The following MCFD2 variants were observed in gnomAD, a reference collection of about 807,000 sequenced individuals.
The protein encoded by MCFD2 is multiple coagulation factor deficiency protein 2.
A neutral mutation model predicts 12.8 loss-of-function variants in MCFD2; 11 were observed. The ratio of observed to expected loss-of-function variants is 0.86; its 90% CI spans 0.54 to 1.42. The LOEUF (loss-of-function observed/expected upper bound fraction) is 1.42. Among genes scored for constraint, MCFD2 ranks in the 40% most tolerant of loss-of-function variants. MCFD2 has a pLI of 0.00. For missense variants in MCFD2, 191 were observed against 178.6 expected, an observed-to-expected ratio of 1.07 and a Z score of -0.40; for synonymous variants, 70 against 68.1, an observed-to-expected ratio of 1.03 and a Z score of -0.14.
intron 1 of MCFD2, chr2:46,914,016 C>T (rs1438719404): frequency 6.6e-6 from 1 of 152,560 alleles, no homozygotes; most frequent in Non-Finnish European, 1.5e-5. Flanking sequence ...CCATTTTTCT[C>T]TTTTCCTCCC....
Position 46,940,925 on chromosome 2 carries a change from T to C in MCFD2, c.-8+647A>G, listed in dbSNP as rs1670277092. Among the ~76,000 whole-genome samples the C allele has an allele frequency of 6.6e-6, 1 of 151,924 alleles. No homozygotes were observed. The highest frequency in any genetic ancestry group is 1.5e-5 in the Non-Finnish European group (1 of 67,950). On this transcript the variant is annotated intron_variant, in intron 1 of 2. Coordinates refer to the MCFD2 transcript ENST00000409147. This position sits in a 1 kb window ranked among gnomAD's most constrained non-coding sequence, Gnocchi z 4.7. Reference sequence around the variant, plus strand: ...GGGGCCACCACACAAAGCCAGGTCGTCGGGCAGTGGTCTCCCAGGCTAAGA... The same window carrying C: ...GGGGCCACCACACAAAGCCAGGTCGCCGGGCAGTGGTCTCCCAGGCTAAGA...
At chr2:46,911,664 G>A (rs1273959598) in intron 1 of MCFD2, among the ~76,000 whole-genome samples, 1 of 151,756 alleles carries the variant, frequency 6.6e-6, no homozygotes, top group Non-Finnish European at 1.5e-5. Context: ...GCTCGTGCCT[G>A]TAATCCCAGC....
chr2:46,931,581 G>A (rs989299106), intron 1 of MCFD2, among the ~76,000 whole-genome samples: 3 of 152,138 alleles, frequency 2.0e-5, no homozygotes, highest in Non-Finnish European at 2.9e-5. Flanking sequence ...CTTTGAAGAT[G>A]TAGAAAGGGG....
rs1165444891 is a variant in MCFD2, at chr2:46,908,833, C to T, written c.149+190G>A. ...CCCATTTGGGCCTAAAGATCTTCCA[C>T]CTGTGATACAATGATGAAAAAAGAA... On this transcript the variant is annotated intron_variant, in intron 2 of 3. Transcript: ENST00000319466. The surrounding 1 kb of genome is among the most constrained non-coding windows in gnomAD (Gnocchi z 4.5). 3 of 743,628 alleles carry T rather than the reference C, an allele frequency of 4.0e-6. No individual in the cohort carries two copies. The Admixed American group carries it at 7.2e-5, about 18-fold the overall frequency. The allele number at this position is 743,628 out of a possible 1,614,324, so 46.1% of individuals were successfully genotyped here.
chr2:46,932,896 A>G (rs994607183), intron 1 of MCFD2, among the ~76,000 whole-genome samples: 38 of 145,422 alleles, frequency 2.6e-4, no homozygotes, highest in Non-Finnish European at 4.7e-4. Context: ...GTGAGACTCC[A>G]TCTCAAAAAA....
chr2:46,905,387 T>C lies in MCFD2; in HGVS notation c.*76A>G, dbSNP rs1416769665. The C allele has an allele frequency of 7.8e-6, 12 of 1,539,542 alleles. No individual in the cohort carries two copies. Among genetic ancestry groups the C allele is most frequent in the Non-Finnish European group, 1.1e-5 (12 of 1,114,840 alleles). On this transcript the variant is annotated 3_prime_UTR_variant, in exon 4 of 4. Coordinates refer to ENST00000319466, the MANE Select transcript of MCFD2 (RefSeq NM_139279.6). ...TGCAGCAGTAGTTGGAAATGAGTTA[T>C]TTTGCATTACTAAAGTGTTCAATCA...
At chr2:46,905,625 T>A in intron 3 of MCFD2, 31 bp from the exon 4 acceptor site, 1 of 1,610,280 alleles carries the variant, frequency 6.2e-7, no homozygotes. Flanking sequence ...AATGATGAGT[T>A]GCGCATTTTA....
upstream of MCFD2, chr2:46,917,093 T>G: frequency 1.5e-6 from 1 of 685,968 alleles, no homozygotes; most frequent in Non-Finnish European, 2.6e-6. Flanking sequence ...ACGGTCTCAT[T>G]CCTTTTCCCA....
At chr2:46,911,758 A>G (rs1468803763) in intron 1 of MCFD2, among the ~76,000 whole-genome samples, 1 of 151,824 alleles carries the variant, frequency 6.6e-6, no homozygotes, top group East Asian at 2.0e-4. Context: ...CGTTTCTACT[A>G]AAAATACAAA....
chr2:46,917,870 G>A (rs1373270950), upstream of MCFD2, among the ~76,000 whole-genome samples: 1 of 152,102 alleles, frequency 6.6e-6, no homozygotes, highest in East Asian at 1.9e-4. Flanking sequence ...CACACTCTGG[G>A]TCCTTCTGCT....
chr2:46,903,829 T>C lies in MCFD2; in HGVS notation c.*1634A>G, dbSNP rs1401968953. 1.3e-5 allele frequency: 2 copies of C among 152,142 alleles called. No homozygotes were observed. The highest frequency in any genetic ancestry group is 2.9e-5 in the Non-Finnish European group (2 of 67,998). The allele number at this position is 152,142 out of a possible 1,614,324, so 9.4% of individuals were successfully genotyped here. A position where few individuals can be genotyped will look rare whatever the true frequency, so the allele number is the denominator to read the frequency against. ...AGTTTGGAAATTTGCAGCCTGACTA[T>C]GCAATAGAAAAGAAAAACCCATTTT... On this transcript the variant is annotated 3_prime_UTR_variant, in exon 4 of 4. Coordinates refer to ENST00000319466, the MANE Select transcript of MCFD2 (RefSeq NM_139279.6).
At chr2:46,917,830 A>G (rs943447804), upstream of MCFD2, among the ~76,000 whole-genome samples, 32 of 152,132 alleles carry the variant, frequency 2.1e-4, no homozygotes, top group African/African-American at 7.0e-4. Context: ...CTCACTTAGA[A>G]ACACTTTCTT....
chr2:46,929,686 T>C (rs756776777), intron 1 of MCFD2, among the ~76,000 whole-genome samples: 5 of 152,036 alleles, frequency 3.3e-5, no homozygotes, highest in Non-Finnish European at 5.9e-5. Context: ...ATAAGAAAGA[T>C]TGAAAATTAA....
chr2:46,921,493 G>A (rs1177030063), intron 1 of MCFD2, among the ~76,000 whole-genome samples: 2 of 152,202 alleles, frequency 1.3e-5, no homozygotes, highest in Non-Finnish European at 2.9e-5. Context: ...TCTGTTCTCT[G>A]AAGTTCTTGT....
intron 1 of MCFD2, among the ~76,000 whole-genome samples, chr2:46,939,010 CAAAAA>C (rs1190579295): frequency 1.3e-5 from 1 of 76,984 alleles, no homozygotes; most frequent in Admixed American, 1.5e-4. Context: ...GACTCTGTCT[CAAAAA>C]AAAAAAAAAA....
chr2:46,941,229 A>AGCAGCTGCAGCGGCGGCGGCGGCG lies in MCFD2; in HGVS notation c.-8+319_-8+342dup, dbSNP rs1444327228. On this transcript the variant is annotated intron_variant, in intron 1 of 2. Transcript: ENST00000409147. This position sits in a 1 kb window ranked among gnomAD's most constrained non-coding sequence, Gnocchi z 4.2. Reference sequence around the variant, plus strand: ...CGGGGCCCGGGGCGGAGGCTGTGGCAGCAGCTGCAGCGGCGGCGGCGGCGG... The same window carrying AGCAGCTGCAGCGGCGGCGGCGGCG: ...CGGGGCCCGGGGCGGAGGCTGTGGCAGCAGCTGCAGCGGCGGCGGCGGCGGCAGCTGCAGCGGCGGCGGCGGCGG... 4 of 148,912 alleles carry AGCAGCTGCAGCGGCGGCGGCGGCG rather than the reference A, an allele frequency of 2.7e-5. No individual in the cohort carries two copies. The highest frequency in any genetic ancestry group is 4.4e-5 in the Non-Finnish European group (3 of 67,490). The allele number at this position is 148,912 out of a possible 1,614,324, so 9.2% of individuals were successfully genotyped here. A position where few individuals can be genotyped will look rare whatever the true frequency, so the allele number is the denominator to read the frequency against.
In MCFD2 at chr2:46,941,364, GTGCTGC is replaced by G. The variant is rs997844606; in HGVS notation, c.-8+202_-8+207del. On this transcript the variant is annotated intron_variant, in intron 1 of 2. Coordinates refer to the MCFD2 transcript ENST00000409147. This position sits in a 1 kb window ranked among gnomAD's most constrained non-coding sequence, Gnocchi z 4.2. The stretch of plus-strand genomic sequence containing the variant: ...CCGGGCGGTGCGCTGGGAGCTGCTG[GTGCTGC>G]TGCTGCTGCTGCTGCCCACCCTCCG... 134 of 384,134 alleles carry G rather than the reference GTGCTGC, an allele frequency of 3.5e-4. No homozygotes were observed. Among genetic ancestry groups the G allele is most frequent in the African/African-American group, 2.8e-3 (129 of 46,610 alleles). The allele number at this position is 384,134 out of a possible 1,614,324, so 23.8% of individuals were successfully genotyped here.
intron 1 of MCFD2, among the ~76,000 whole-genome samples, chr2:46,939,045 G>T (rs576819424): frequency 1.3e-5 from 2 of 151,080 alleles, no homozygotes; most frequent in African/African-American, 4.9e-5. Flanking sequence ...GCGGGCCAGG[G>T]TGGGAGGACC....
Position 46,904,205 on chromosome 2 carries a change from CAGGGGAG to C in MCFD2, c.*1251_*1257del, listed in dbSNP as rs1668124501. On this transcript the variant is annotated 3_prime_UTR_variant, in exon 4 of 4. Coordinates refer to ENST00000319466, the MANE Select transcript of MCFD2 (RefSeq NM_139279.6). The stretch of plus-strand genomic sequence containing the variant: ...TCAATGCCCAGGCAAACGTTTGCTG[CAGGGGAG>C]AGGCCCTCTCAGCGGCAGGGGAGAG... The C allele has an allele frequency of 7.6e-6, 1 of 132,240 alleles. No homozygotes were observed. Among genetic ancestry groups the C allele is most frequent in the African/African-American group, 3.5e-5 (1 of 28,954 alleles). The allele number at this position is 132,240 out of a possible 1,614,324, so 8.2% of individuals were successfully genotyped here.
Sources: gnomAD v4.1 joint callset for allele counts (sites outside exome capture counted in the v4.1 genomes callset) on GRCh38, gnomAD v4.1.1 for gene constraint, Gnocchi (gnomAD v3.1) non-coding constraint, MANE v1.5 for transcripts, NCBI Gene and HGNC (gene_info 2026-07-23, HGNC 2026-07-21) for gene names.